Variants in DCLK1 observed in about 807,000 individuals in gnomAD.
DCLK1 encodes doublecortin like kinase 1.
In DCLK1, 16 loss-of-function variants were observed where a neutral mutation model predicts 86.2. That is an observed-to-expected ratio of 0.19 (90% confidence interval 0.13 to 0.28). The LOEUF is 0.28. Among genes scored for constraint, DCLK1 ranks in the 10% least tolerant of loss-of-function variants. The pLI, the probability that DCLK1 is intolerant of heterozygous loss-of-function variation, is 1.00. For synonymous variants in DCLK1, 369 were observed against 370.5 expected, an observed-to-expected ratio of 1.00 and a Z score of 0.05; for missense variants, 590 against 940.2, an observed-to-expected ratio of 0.63 and a Z score of 4.87.
intron 16 of DCLK1, among the ~76,000 whole-genome samples, chr13:35,776,782 C>T (rs1446567493): frequency 2.6e-5 from 4 of 152,136 alleles, no homozygotes; most frequent in Non-Finnish European, 5.9e-5. Context: ...CAGTACTTTC[C>T]CTCTTTCCTT....
chr13:35,894,453 G>C (rs1049676253), intron 4 of DCLK1, among the ~76,000 whole-genome samples: 1 of 152,208 alleles, frequency 6.6e-6, no homozygotes, highest in African/African-American at 2.4e-5. Context: ...GTGGAGAGGA[G>C]GGAGATTACT....
intron 4 of DCLK1, among the ~76,000 whole-genome samples, chr13:35,900,407 A>C (rs9565650): frequency 6.6e-6 from 1 of 151,644 alleles, no homozygotes; most frequent in African/African-American, 2.4e-5. Context: ...CACCCAGCTA[A>C]TTTTTTGTAT....
At chr13:35,805,937 CA>C (rs2087018168) in intron 14 of DCLK1, among the ~76,000 whole-genome samples, 158 bp from the exon 15 acceptor site, 1 of 152,106 alleles carries the variant, frequency 6.6e-6, no homozygotes, top group Admixed American at 6.6e-5. Context: ...TTATCACCTT[CA>C]AAAGTTAAAA....
intron 3 of DCLK1, among the ~76,000 whole-genome samples, chr13:35,967,994 T>C (rs1878868879): frequency 6.6e-6 from 1 of 151,734 alleles, no homozygotes; most frequent in African/African-American, 2.4e-5. Context: ...CATTCCAGCC[T>C]GGATGACAGA....
At chr13:35,805,973 T>G (rs1182675068) in intron 14 of DCLK1, among the ~76,000 whole-genome samples, 194 bp from the exon 15 acceptor site, 1 of 152,214 alleles carries the variant, frequency 6.6e-6, no homozygotes, top group African/African-American at 2.4e-5. Context: ...GAATTGTAAA[T>G]ACATAGCTTG....
chr13:35,797,399 T>G (rs756584948), intron 15 of DCLK1, among the ~76,000 whole-genome samples: 2 of 152,168 alleles, frequency 1.3e-5, no homozygotes, highest in Admixed American at 6.5e-5. Context: ...TTCCTTATCA[T>G]TTCCCAGCCC....
chr13:36,112,658 T>C (rs1054898329), intron 2 of DCLK1, among the ~76,000 whole-genome samples: 4 of 152,184 alleles, frequency 2.6e-5, no homozygotes, highest in African/African-American at 4.8e-5. Flanking sequence ...AAAATAGTCA[T>C]ATAATTTACG....
At chr13:35,964,771 A>G (rs1364645423) in intron 3 of DCLK1, among the ~76,000 whole-genome samples, 1 of 143,596 alleles carries the variant, frequency 7.0e-6, no homozygotes. Context: ...TTTACATTTT[A>G]AAATGGTTGG....
At chr13:35,959,746 C>T (rs962430990) in intron 3 of DCLK1, among the ~76,000 whole-genome samples, 13 of 151,978 alleles carry the variant, frequency 8.6e-5, no homozygotes, top group African/African-American at 3.1e-4. Context: ...GGGAGACTAC[C>T]AGCTTCCGGA....
chr13:35,774,601 G>A lies in DCLK1; in HGVS notation c.2157C>T (p.Asn719=), dbSNP rs1377165784. The change falls in exon 17 of 17, where the codon AAC becomes AAT. Residue 719 remains asparagine (N), a synonymous_variant. Coordinates refer to ENST00000360631, the MANE Select transcript of DCLK1 (RefSeq NM_001330071.2). ...YKAQPAPPEL[N]SESEDYSPSS... Reference sequence around the variant, plus strand: ...TTGGGGAGTAGTCTTCCGATTCCGAGTTGAGTTCGGGAGGAGCTGGCTGCG... The same window carrying A: ...TTGGGGAGTAGTCTTCCGATTCCGAATTGAGTTCGGGAGGAGCTGGCTGCG... 2 of 1,591,242 alleles carry A rather than the reference G, an allele frequency of 1.3e-6. No homozygotes were observed. Among genetic ancestry groups the A allele is most frequent in the East Asian group, 2.3e-5 (1 of 43,746 alleles).
At chr13:35,830,882 T>C (rs1202606217) in intron 8 of DCLK1, among the ~76,000 whole-genome samples, 3 of 152,234 alleles carry the variant, frequency 2.0e-5, no homozygotes, top group Non-Finnish European at 4.4e-5. Context: ...GATTTCCCCA[T>C]GTTTGCCATT....
chr13:36,014,133 G>A (rs552619273), intron 3 of DCLK1, among the ~76,000 whole-genome samples: 34 of 152,228 alleles, frequency 2.2e-4, no homozygotes, highest in South Asian at 1.5e-3. Context: ...AGATGAACCC[G>A]GTACCTCAGA....
chr13:36,130,631 C>A (rs1886329962), intron 1 of DCLK1, among the ~76,000 whole-genome samples: 1 of 152,148 alleles, frequency 6.6e-6, no homozygotes, highest in Non-Finnish European at 1.5e-5. Context: ...ACGCTGCAGC[C>A]ACCACCACGC....
intron 4 of DCLK1, among the ~76,000 whole-genome samples, chr13:35,895,992 T>C (rs1873951429): frequency 6.6e-6 from 1 of 152,160 alleles, no homozygotes; most frequent in Non-Finnish European, 1.5e-5. Context: ...AAAATTGCTA[T>C]TTTTCTCCTC....
At chr13:35,930,634 A>AC (rs1366489307) in intron 4 of DCLK1, among the ~76,000 whole-genome samples, 1 of 152,132 alleles carries the variant, frequency 6.6e-6, no homozygotes, top group Non-Finnish European at 1.5e-5. Flanking sequence ...ACAAAAACAA[A>AC]AAAAACAAAG....
chr13:36,114,711 G>A (rs906713362), intron 2 of DCLK1, among the ~76,000 whole-genome samples: 4 of 152,130 alleles, frequency 2.6e-5, no homozygotes, highest in Admixed American at 1.3e-4. Flanking sequence ...AAGAGATGTG[G>A]TTCCCGCCTT....
At chr13:35,801,794 T>C (rs997830262) in intron 15 of DCLK1, among the ~76,000 whole-genome samples, 4 of 152,210 alleles carry the variant, frequency 2.6e-5, no homozygotes, top group Non-Finnish European at 4.4e-5. Flanking sequence ...TTTGTTTCTT[T>C]ACCACAGTTG....
chr13:36,096,208 C>T (rs1385035811), intron 3 of DCLK1, among the ~76,000 whole-genome samples: 2 of 152,212 alleles, frequency 1.3e-5, no homozygotes, highest in Non-Finnish European at 2.9e-5. Flanking sequence ...AACCTCAGAA[C>T]TATGCCTAGA....
intron 12 of DCLK1, among the ~76,000 whole-genome samples, chr13:35,809,896 CA>C (rs1158601864): frequency 1.3e-5 from 2 of 152,154 alleles, no homozygotes; most frequent in African/African-American, 4.8e-5. Flanking sequence ...AAAAACAAAA[CA>C]AAACAAAACC....
Sources: gnomAD v4.1 joint callset for allele counts (sites outside exome capture counted in the v4.1 genomes callset) on GRCh38, gnomAD v4.1.1 for gene constraint, MANE v1.5 for transcripts, NCBI Gene and HGNC (gene_info 2026-07-23, HGNC 2026-07-21) for gene names.